Variants in CAPZA1 observed in about 807,000 individuals in gnomAD.
CAPZA1 encodes the protein F-actin-capping protein subunit alpha-1.
In CAPZA1, 10 loss-of-function variants were observed where a neutral mutation model predicts 40.8. That is an observed-to-expected ratio of 0.25 (90% CI 0.15 to 0.42). CAPZA1 has a LOEUF of 0.42. CAPZA1 is among the 10% of genes least tolerant of loss of function. The pLI is 1.00. For synonymous variants in CAPZA1, 98 were observed against 115.0 expected, an observed-to-expected ratio of 0.85 and a Z score of 0.95; for missense variants, 277 against 353.8, an observed-to-expected ratio of 0.78 and a Z score of 1.74.
intron 1 of CAPZA1, among the ~76,000 whole-genome samples, chr1:112,634,970 A>G (rs1300155783): frequency 2.0e-5 from 3 of 152,202 alleles, no homozygotes; most frequent in African/African-American, 4.8e-5. Flanking sequence ...TTCTTATTCA[A>G]AAAGGATTTT....
At position 112,649,534 on chromosome 1, in the gene CAPZA1, A is replaced by T; in HGVS notation, c.155+65A>T. On this transcript the variant is annotated intron_variant, in intron 3 of 9. Coordinates refer to ENST00000263168, the MANE Select transcript of CAPZA1 (RefSeq NM_006135.3). ...CATTGGATAAACTATGTTGACAGTA[A>T]ACTAGCACCCTGAAAACAAAGTTTA... 5.6e-6 allele frequency: 7 copies of T among 1,251,080 alleles called. No individual in the cohort carries two copies. In the South Asian group the frequency reaches 6.3e-5, roughly 11 times the overall value. The allele number at this position is 1,251,080 out of a possible 1,614,324, so 77.5% of individuals were successfully genotyped here.
chr1:112,653,723 C>A, intron 4 of CAPZA1, 62 bp downstream of exon 4: 2 of 1,125,972 alleles, frequency 1.8e-6, no homozygotes, highest in Non-Finnish European at 2.6e-6. Context: ...TTAATGGAAA[C>A]CAAAGCAGAT....
At chr1:112,644,127 G>T (rs899768400) in intron 1 of CAPZA1, among the ~76,000 whole-genome samples, 1 of 135,468 alleles carries the variant, frequency 7.4e-6, no homozygotes, top group South Asian at 2.6e-4. Flanking sequence ...TTACAGGCGT[G>T]ATCTACCACA....
intron 1 of CAPZA1, among the ~76,000 whole-genome samples, chr1:112,627,954 C>T (rs1670848198): frequency 6.6e-6 from 1 of 151,708 alleles, no homozygotes; most frequent in Admixed American, 6.6e-5. Flanking sequence ...GAGTGAAACT[C>T]TGTCTCAAAA....
At position 112,649,420 on chromosome 1, in the gene CAPZA1, G is replaced by A. The variant is rs753793163; in HGVS notation, c.106G>A (p.Val36Ile). ...ATTGTAACATTTTTCCTCCTCAGAC[G>A]TTCGGCTACTACTTAATAATGACAA... ...PGEFNEVFNDVRLLLNNDNLL... is the reference protein window; with the variant it reads ...PGEFNEVFNDIRLLLNNDNLL... The change falls in exon 3 of 10, where the codon GTT becomes ATT. Residue 36 changes from valine to isoleucine, a missense_variant and splice_region_variant. Val to Ile is a conservative substitution (Grantham distance 29). Coordinates refer to ENST00000263168, the MANE Select transcript of CAPZA1 (RefSeq NM_006135.3). 5.0e-6 allele frequency: 8 copies of A among 1,611,556 alleles called. No homozygotes were observed. The highest frequency in any genetic ancestry group is 4.0e-5 in the African/African-American group (3 of 74,788).
At chr1:112,661,591 A>T (rs1399843776) in intron 7 of CAPZA1, among the ~76,000 whole-genome samples, 1 of 152,234 alleles carries the variant, frequency 6.6e-6, no homozygotes, top group African/African-American at 2.4e-5. Flanking sequence ...AAAATATCTT[A>T]GTAGCCTAGC....
chr1:112,624,482 TCTGTAATCC>T (rs946020181), intron 1 of CAPZA1, among the ~76,000 whole-genome samples: 29 of 151,256 alleles, frequency 1.9e-4, no homozygotes, highest in African/African-American at 6.8e-4. Flanking sequence ...GTGGTGCATG[TCTGTAATCC>T]CAGCTACTCA....
chr1:112,624,941 A>G (rs946136343), intron 1 of CAPZA1, among the ~76,000 whole-genome samples: 15 of 152,200 alleles, frequency 9.9e-5, no homozygotes, highest in African/African-American at 3.1e-4. Flanking sequence ...GAGTTCCTTG[A>G]TAATTGAAAC....
In CAPZA1 at chr1:112,619,896, C is replaced by CCT. The variant is rs761047652; in HGVS notation, c.39+22_39+23dup. ...GGATGAGGAGAAGGTAAGGGGTCCG[C>CCT]CTCTCTCTCTTACCTCCTCCCCCGA... On this transcript the variant is annotated intron_variant, in intron 1 of 9. Transcript: ENST00000263168. 1.9e-6 allele frequency: 3 copies of CCT among 1,604,528 alleles called. No homozygotes were observed. The highest frequency in any genetic ancestry group is 1.7e-5 in the Admixed American group (1 of 59,172).
chr1:112,647,351 C>T (rs1012293196), intron 2 of CAPZA1, 78 bp downstream of exon 2: 10 of 752,552 alleles, frequency 1.3e-5, no homozygotes, highest in South Asian at 3.0e-5. Context: ...TTAATTCTTA[C>T]GACTTGTTGT....
intron 1 of CAPZA1, among the ~76,000 whole-genome samples, chr1:112,638,965 TAGAG>T (rs974092093): frequency 4.9e-4 from 73 of 148,726 alleles, no homozygotes; most frequent in African/African-American, 6.1e-4. Context: ...GAGATATATA[TAGAG>T]AGAGAATAAT....
intron 7 of CAPZA1, among the ~76,000 whole-genome samples, chr1:112,666,008 C>A (rs1671717238): frequency 6.6e-6 from 1 of 152,018 alleles, no homozygotes; most frequent in South Asian, 2.1e-4. Flanking sequence ...CATCTGCATT[C>A]TTTTTTTTCC....
At chr1:112,661,121 G>A (rs1671598699) in intron 7 of CAPZA1, among the ~76,000 whole-genome samples, 1 of 152,136 alleles carries the variant, frequency 6.6e-6, no homozygotes, top group Non-Finnish European at 1.5e-5. Context: ...GCCAAGAGTT[G>A]TCTTTTTTAA....
chr1:112,654,750 A>G, intron 5 of CAPZA1, 79 bp downstream of exon 5: 11 of 895,536 alleles, frequency 1.2e-5, no homozygotes, highest in Middle Eastern at 2.4e-4. Context: ...GGCCTACCAA[A>G]CATCCCTACT....
At chr1:112,659,001 A>AT (rs748377261) in intron 5 of CAPZA1, 21 bp from the exon 6 acceptor site, 1,581 of 1,518,790 alleles carry the variant, frequency 1.0e-3, no homozygotes, top group Non-Finnish European at 1.3e-3. Context: ...GTCTTTAACT[A>AT]TTTTTTTTTC....
At chr1:112,633,079 C>T (rs1670952311) in intron 1 of CAPZA1, among the ~76,000 whole-genome samples, 1 of 152,182 alleles carries the variant, frequency 6.6e-6, no homozygotes, top group South Asian at 2.1e-4. Flanking sequence ...TTAAGAAACA[C>T]AGATAACAGT....
At chr1:112,653,288 ACT>A (rs1159860408) in intron 3 of CAPZA1, among the ~76,000 whole-genome samples, 2 of 152,156 alleles carry the variant, frequency 1.3e-5, no homozygotes, top group Non-Finnish European at 2.9e-5. Context: ...ACGTAGTGAG[ACT>A]CTATCTCAAA....
At chr1:112,634,221 A>G (rs1670975842) in intron 1 of CAPZA1, among the ~76,000 whole-genome samples, 1 of 152,202 alleles carries the variant, frequency 6.6e-6, no homozygotes, top group Non-Finnish European at 1.5e-5. Flanking sequence ...AAATGCAACT[A>G]TTTATTCTTG....
At chr1:112,658,927 T>C in intron 5 of CAPZA1, 95 bp from the exon 6 acceptor site, 1 of 874,514 alleles carries the variant, frequency 1.1e-6, no homozygotes, top group Non-Finnish European at 1.9e-6. Context: ...ATTCTTTGTC[T>C]CCCCCAAGGA....
Sources: allele counts gnomAD v4.1 joint callset (sites outside exome capture counted in the v4.1 genomes callset), GRCh38; gene constraint gnomAD v4.1.1; transcripts MANE v1.5; gene names NCBI Gene and HGNC (gene_info 2026-07-23, HGNC 2026-07-21).